Variants in PMEPA1 observed in about 807,000 individuals in gnomAD.
PMEPA1 encodes the protein prostate transmembrane protein, androgen induced 1, also known as protein TMEPAI.
In PMEPA1, 11 loss-of-function variants were observed where a neutral mutation model predicts 23.0. The ratio of observed to expected loss-of-function variants is 0.48; its 90% CI spans 0.30 to 0.79. PMEPA1 has a LOEUF of 0.79. Ranked by LOEUF, PMEPA1 falls within the 30% of genes least tolerant of loss-of-function variation. The probability of loss-of-function intolerance (pLI) is 0.06; values close to 1 mark genes in which losing one functional copy is unlikely to be tolerated. For synonymous variants in PMEPA1, 204 were observed against 166.4 expected (o/e 1.23, Z -1.74); for missense variants, 377 against 390.9 (o/e 0.96, Z 0.30).
chr20:57,661,901 C>T (rs1247412484), intron 1 of PMEPA1, among the ~76,000 whole-genome samples: 5 of 146,634 alleles, frequency 3.4e-5, no homozygotes, highest in Non-Finnish European at 6.0e-5. Flanking sequence ...TTCCCCGTCT[C>T]GGGCACTTTA....
Position 57,683,402 on chromosome 20 carries a change from C to T in PMEPA1, c.110-23705G>A, listed in dbSNP as rs778143754. On this transcript the variant is annotated intron_variant, in intron 1 of 3. Transcript: ENST00000341744. The surrounding 1 kb of genome is among the most constrained non-coding windows in gnomAD (Gnocchi z 4.3). The stretch of plus-strand genomic sequence containing the variant: ...TACTCCAGGAAAGACCCAATTACAG[C>T]GCAGACGCATCTGCCAGCCTGAGGA... 2.6e-5 allele frequency among the ~76,000 whole-genome samples: 4 copies of T among 152,122 alleles called. No homozygotes were observed. The highest frequency in any genetic ancestry group is 4.8e-5 in the African/African-American group (2 of 41,402).
intron 1 of PMEPA1, chr20:57,700,266 G>A: frequency 2.5e-6 from 1 of 405,662 alleles, no homozygotes; most frequent in Non-Finnish European, 5.1e-6. Context: ...ATGTTCGGGG[G>A]AACAGGGAAA....
chr20:57,706,267 T>G (rs2072085896), intron 1 of PMEPA1, among the ~76,000 whole-genome samples: 1 of 152,084 alleles, frequency 6.6e-6, no homozygotes, highest in Non-Finnish European at 1.5e-5. Context: ...CCCAGAAGTT[T>G]GAGGCAATAA....
At chr20:57,684,883 C>T (rs2071780820) in intron 1 of PMEPA1, among the ~76,000 whole-genome samples, 1 of 151,950 alleles carries the variant, frequency 6.6e-6, no homozygotes, top group African/African-American at 2.4e-5. Context: ...GCCCACCCCT[C>T]AGAGAGAAGA....
At chr20:57,699,361 T>C (rs1276303020) in intron 1 of PMEPA1, among the ~76,000 whole-genome samples, 1 of 152,256 alleles carries the variant, frequency 6.6e-6, no homozygotes, top group Non-Finnish European at 1.5e-5. Context: ...AGCCCTGTGA[T>C]AGGTGCTTAA....
At chr20:57,679,515 C>T (rs2071682822) in intron 1 of PMEPA1, among the ~76,000 whole-genome samples, 1 of 152,218 alleles carries the variant, frequency 6.6e-6, no homozygotes, top group Admixed American at 6.5e-5. Context: ...AATGCGGGAG[C>T]CGTGTCCAAC....
At chr20:57,710,457 C>T (rs2072162618), upstream of PMEPA1, 1 of 1,607,232 alleles carries the variant, frequency 6.2e-7, no homozygotes, top group Non-Finnish European at 8.5e-7. Flanking sequence ...CAAGATGGAT[C>T]ACCCATTGCC....
At chr20:57,709,168 C>T (rs1003063430) in intron 1 of PMEPA1, among the ~76,000 whole-genome samples, 1 of 151,218 alleles carries the variant, frequency 6.6e-6, no homozygotes, top group Non-Finnish European at 1.5e-5. Context: ...ATGGAAACTT[C>T]ACGGATCCGC....
rs570512999 is a variant in PMEPA1, at chr20:57,658,768, C to T, written c.264+775G>A. On this transcript the variant is annotated intron_variant, in intron 2 of 3. Coordinates refer to ENST00000341744, the MANE Select transcript of PMEPA1 (RefSeq NM_020182.5). ...CTGTTGCCTCTATGGCTCTCCAAGG[C>T]ATTGTGACCACATGACCAGATGTCA... 3.9e-5 allele frequency among the ~76,000 whole-genome samples: 6 copies of T among 152,320 alleles called. No homozygotes were observed. In the South Asian group the frequency reaches 1.0e-3, roughly 26 times the overall value.
intron 2 of PMEPA1, among the ~76,000 whole-genome samples, chr20:57,653,754 G>A (rs1345781942): frequency 1.3e-5 from 2 of 152,172 alleles, no homozygotes; most frequent in Non-Finnish European, 2.9e-5. Flanking sequence ...TGCACGGCCC[G>A]CTGCTGTCCA....
At chr20:57,706,713 C>T (rs1027643283) in intron 1 of PMEPA1, among the ~76,000 whole-genome samples, 1 of 152,184 alleles carries the variant, frequency 6.6e-6, no homozygotes, top group Non-Finnish European at 1.5e-5. Flanking sequence ...GAGGTGTGGG[C>T]GTGCAGTCCA....
At chr20:57,685,128 G>A (rs962893618) in intron 1 of PMEPA1, among the ~76,000 whole-genome samples, 1 of 151,878 alleles carries the variant, frequency 6.6e-6, no homozygotes, top group Non-Finnish European at 1.5e-5. Context: ...CCCCGAGAAC[G>A]TGCATCTGCA....
At chr20:57,696,415 T>C (rs920144155) in intron 1 of PMEPA1, among the ~76,000 whole-genome samples, 4 of 152,208 alleles carry the variant, frequency 2.6e-5, no homozygotes, top group African/African-American at 9.6e-5. Flanking sequence ...CCTCCCACCC[T>C]GTGCCAAGAC....
rs1036436706 is a variant in PMEPA1 at position 57,652,166 on chromosome 20, C to T, written c.751G>A (p.Gly251Arg). 1 of 1,606,958 alleles carries T rather than the reference C, an allele frequency of 6.2e-7. No individual in the cohort carries two copies. Among genetic ancestry groups the T allele is most frequent in the Non-Finnish European group, 8.5e-7 (1 of 1,177,208 alleles). ...GTCCCCTCCAGCAAGGAGGGCGGCC[C>T]ACTGCTCTGCTGGTGCTGGAAGGAG... The part of the protein sequence containing the change: ...GSSFQHQQSS[G>R]PPSLLEGTRL... Residue 251 changes from glycine to arginine, a missense_variant, in exon 4 of 4, where the codon GGG becomes AGG. This residue lies in a region of PMEPA1 where 176 missense variants were observed against 173.0 expected (regional missense o/e 1.02). Transcript: ENST00000341744. This position sits in a 1 kb window ranked among gnomAD's most constrained non-coding sequence, Gnocchi z 6.1.
rs1399722294 is a variant in PMEPA1 at position 57,652,578 on chromosome 20, A to C, written c.339T>G (p.Pro113=). Residue 113 remains proline, a synonymous_variant, in exon 4 of 4, where the codon CCT becomes CCG. Coordinates refer to ENST00000341744, the MANE Select transcript of PMEPA1 (RefSeq NM_020182.5). This position sits in a 1 kb window ranked among gnomAD's most constrained non-coding sequence, Gnocchi z 6.1. ...GCACGGCCAGGCGGTCGGTGGGCCG[A>C]GGCGGGGCGTAGACCTGCGGCTGGA... ...GIPEPQVYAP[P]RPTDRLAVPP... is the part of the protein sequence containing the mutation. The C allele has an allele frequency of 3.3e-6, 5 of 1,502,966 alleles. No individual in the cohort carries two copies. The Admixed American group carries it at 9.3e-5, about 28-fold the overall frequency. The allele number at this position is 1,502,966 out of a possible 1,614,324, so 93.1% of individuals were successfully genotyped here.
At chr20:57,665,583 G>A (rs1328793059) in intron 1 of PMEPA1, among the ~76,000 whole-genome samples, 1 of 151,634 alleles carries the variant, frequency 6.6e-6, no homozygotes, top group Non-Finnish European at 1.5e-5. Context: ...GGGACAGAAC[G>A]TAGCACACTC....
intron 1 of PMEPA1, among the ~76,000 whole-genome samples, chr20:57,707,202 G>C (rs560918075): frequency 3.3e-5 from 5 of 152,088 alleles, no homozygotes. Context: ...CTAGTTAAAA[G>C]AAAAACCAAA....
chr20:57,677,779 A>C (rs902201748), intron 1 of PMEPA1, among the ~76,000 whole-genome samples: 6 of 152,266 alleles, frequency 3.9e-5, no homozygotes, highest in East Asian at 1.9e-4. Flanking sequence ...AACAAACAAA[A>C]AAAACTGGAA....
chr20:57,681,051 C>T (rs1252325595), intron 1 of PMEPA1, among the ~76,000 whole-genome samples: 3 of 152,164 alleles, frequency 2.0e-5, no homozygotes, highest in Admixed American at 2.0e-4. Context: ...TTCTAGTTTC[C>T]ACCTTTTGCA....
Sources: gnomAD v4.1 joint callset for allele counts (sites outside exome capture counted in the v4.1 genomes callset) on GRCh38, gnomAD v4.1.1 for gene constraint, gnomAD v4.1.1 regional missense constraint, Gnocchi (gnomAD v3.1) non-coding constraint, MANE v1.5 for transcripts, NCBI Gene and HGNC (gene_info 2026-07-23, HGNC 2026-07-21) for gene names.